The following UGGT2 variants were observed in gnomAD, a reference collection of about 807,000 sequenced individuals.
UGGT2 encodes UDP-glucose:glycoprotein glucosyltransferase 2.
In UGGT2, 180 loss-of-function variants were observed where a neutral mutation model predicts 192.1. The ratio of observed to expected loss-of-function variants is 0.94; its 90% CI spans 0.83 to 1.06. UGGT2 has a LOEUF of 1.06. UGGT2 is among the 50% of genes least tolerant of loss of function. The probability of loss-of-function intolerance (pLI) is 0.00; values close to 1 mark genes in which losing one functional copy is unlikely to be tolerated. For missense variants in UGGT2, 1,849 were observed against 1,795.7 expected (o/e 1.03, Z -0.54); for synonymous variants, 580 against 591.0 (o/e 0.98, Z 0.27).
At chr13:95,872,104 G>GTGCA (rs1891275334) in intron 29 of UGGT2, among the ~76,000 whole-genome samples, 1 of 152,178 alleles carries the variant, frequency 6.6e-6, no homozygotes, top group African/African-American at 2.4e-5. Flanking sequence ...GGCATTAAAG[G>GTGCA]TGCATAAATA....
At chr13:95,859,343 C>T (rs570331640) in intron 33 of UGGT2, among the ~76,000 whole-genome samples, 6 of 151,988 alleles carry the variant, frequency 3.9e-5, no homozygotes, top group Non-Finnish European at 7.4e-5. Flanking sequence ...TTTAATTACT[C>T]ATTATCATGA....
At chr13:96,027,389 T>C (rs1007671988) in intron 2 of UGGT2, among the ~76,000 whole-genome samples, 4 of 152,178 alleles carry the variant, frequency 2.6e-5, no homozygotes, top group African/African-American at 9.7e-5. Context: ...ATCATCTCTA[T>C]TATGAAATGG....
chr13:95,966,640 C>G (rs1245886458), intron 12 of UGGT2, among the ~76,000 whole-genome samples: 2 of 152,124 alleles, frequency 1.3e-5, no homozygotes, highest in Non-Finnish European at 2.9e-5. Flanking sequence ...ACACACCTTA[C>G]ATACATAAGA....
intron 29 of UGGT2, among the ~76,000 whole-genome samples, chr13:95,875,753 G>A (rs1449961912): frequency 6.6e-6 from 1 of 152,094 alleles, no homozygotes; most frequent in Non-Finnish European, 1.5e-5. Flanking sequence ...CCCTGGCTCT[G>A]TGTGCATAAG....
At chr13:96,030,290 C>G (rs530399551) in intron 2 of UGGT2, among the ~76,000 whole-genome samples, 1 of 152,170 alleles carries the variant, frequency 6.6e-6, no homozygotes, top group Non-Finnish European at 1.5e-5. Context: ...AAGCTCTTAT[C>G]GCCTAATAGT....
intron 20 of UGGT2, among the ~76,000 whole-genome samples, chr13:95,903,622 G>A (rs1454586427): frequency 2.0e-5 from 3 of 151,678 alleles, no homozygotes; most frequent in African/African-American, 7.3e-5. Context: ...TCAATAATGT[G>A]AGATTTATCA....
chr13:96,014,953 A>G (rs2052281223), intron 4 of UGGT2, among the ~76,000 whole-genome samples: 1 of 152,112 alleles, frequency 6.6e-6, no homozygotes, highest in South Asian at 2.1e-4. Flanking sequence ...AGCCTGAAAA[A>G]TTCTTCCTTC....
At chr13:95,930,771 T>C (rs1391436825) in intron 17 of UGGT2, among the ~76,000 whole-genome samples, 1 of 152,162 alleles carries the variant, frequency 6.6e-6, no homozygotes, top group Non-Finnish European at 1.5e-5. Context: ...GTTACAGTTC[T>C]TAAAGATGGA....
chr13:96,016,648 T>G (rs1459051848), intron 4 of UGGT2, among the ~76,000 whole-genome samples: 1 of 152,220 alleles, frequency 6.6e-6, no homozygotes, highest in Non-Finnish European at 1.5e-5. Context: ...TGGAAAAGCC[T>G]GGTGCCCAGG....
At chr13:95,950,541 A>C (rs1182877911) in intron 12 of UGGT2, among the ~76,000 whole-genome samples, 4 of 143,188 alleles carry the variant, frequency 2.8e-5, no homozygotes, top group African/African-American at 5.6e-5. Context: ...GGCTCTCACA[A>C]AAAAAAAAAA....
rs1290038279 is a variant in UGGT2, at chr13:96,032,071, CAAAAA to C, written c.159-105_159-101del. The C allele has an allele frequency of 4.2e-6, 3 of 712,150 alleles. No individual in the cohort carries two copies. The African/African-American group carries it at 5.4e-5, about 13-fold the overall frequency. 44.1% of individuals were successfully genotyped at this position (712,150 alleles called of 1,614,324 possible). A position where few individuals can be genotyped will look rare whatever the true frequency, so the allele number is the denominator to read the frequency against. On this transcript the variant is annotated intron_variant, in intron 1 of 38. Transcript: ENST00000376747. ...AACCAAATTATATCTATGGCAAAAA[CAAAAA>C]CCCCTAAAAATTAATGTCAAATTAC... is the stretch of plus-strand genomic sequence containing the variant.
intron 25 of UGGT2, among the ~76,000 whole-genome samples, chr13:95,889,251 C>CA (rs1356450864): frequency 6.6e-6 from 1 of 152,024 alleles, no homozygotes; most frequent in Non-Finnish European, 1.5e-5. Flanking sequence ...TAGTGTATCT[C>CA]AAGACATATA....
In UGGT2 at chr13:95,909,799, T is replaced by TAA. The variant is rs1172371428; in HGVS notation, c.2296-6741_2296-6740dup. On this transcript the variant is annotated intron_variant, in intron 20 of 38. Coordinates refer to ENST00000376747, the MANE Select transcript of UGGT2 (RefSeq NM_020121.4). ...AATAATAAAAAAGATTCCTGCCCAC[T>TAA]AAAAAAAAAAAAAAAAAAAAACTGT... Among the ~76,000 whole-genome samples the TAA allele has an allele frequency of 8.2e-3, 624 of 76,156 alleles. 44 individuals carry two copies. Among genetic ancestry groups the TAA allele is most frequent in the African/African-American group, 0.028 (523 of 18,966 alleles). 50.0% of individuals were successfully genotyped at this position (76,156 alleles called of 152,430 possible).
intron 2 of UGGT2, among the ~76,000 whole-genome samples, chr13:96,030,447 G>C (rs2052800309): frequency 6.6e-6 from 1 of 152,078 alleles, no homozygotes; most frequent in South Asian, 2.1e-4. Flanking sequence ...AATTTTGAAA[G>C]GAAAAATTAT....
chr13:95,995,319 C>A (rs2051584319), intron 7 of UGGT2: 1 of 151,758 alleles, frequency 6.6e-6, no homozygotes, highest in Non-Finnish European at 1.5e-5. Flanking sequence ...TTCTTGGAGA[C>A]AAATTATAAA....
intron 38 of UGGT2, among the ~76,000 whole-genome samples, chr13:95,823,161 T>C (rs1186182312): frequency 6.6e-6 from 1 of 152,138 alleles, no homozygotes; most frequent in Non-Finnish European, 1.5e-5. Context: ...ATACTTGATA[T>C]GATCTCGACT....
At position 95,971,486 on chromosome 13, in the gene UGGT2, T is replaced by C. The variant is rs7331025; in HGVS notation, c.1184+1094A>G. 2.7e-3 allele frequency among the ~76,000 whole-genome samples: 410 copies of C among 152,138 alleles called. 2 individuals are homozygous for C. Among genetic ancestry groups the C allele is most frequent in the African/African-American group, 9.7e-3 (401 of 41,504 alleles). On this transcript the variant is annotated intron_variant, in intron 11 of 38. Transcript: ENST00000376747. ...ATCACTAATGACCAGGTGTAGGAGC[T>C]GGGGGGTTTTATTTTTTTAATAACC... is the stretch of plus-strand genomic sequence containing the variant.
intron 38 of UGGT2, among the ~76,000 whole-genome samples, chr13:95,812,894 T>C (rs906319971): frequency 5.9e-5 from 9 of 152,204 alleles, no homozygotes; most frequent in Non-Finnish European, 5.9e-5. Context: ...ATTGCCGTGA[T>C]GGATGCACAA....
At chr13:95,807,197 A>G (rs558304108) in intron 38 of UGGT2, among the ~76,000 whole-genome samples, 1 of 152,190 alleles carries the variant, frequency 6.6e-6, no homozygotes, top group Non-Finnish European at 1.5e-5. Flanking sequence ...ATCATAAGAG[A>G]AAATATACCT....
Sources: gnomAD v4.1 joint callset for allele counts (sites outside exome capture counted in the v4.1 genomes callset) on GRCh38, gnomAD v4.1.1 for gene constraint, MANE v1.5 for transcripts, NCBI Gene and HGNC (gene_info 2026-07-23, HGNC 2026-07-21) for gene names.